The following NCAPG variants were observed in gnomAD, a reference collection of about 807,000 sequenced individuals.
NCAPG encodes the protein condensin complex subunit 3.
Under a neutral mutation model 113.1 loss-of-function variants are expected in NCAPG, and 69 were observed. That is an observed-to-expected ratio of 0.61 (90% CI 0.50 to 0.75). NCAPG has a LOEUF of 0.75. Ranked by LOEUF, NCAPG falls within the 30% of genes least tolerant of loss-of-function variation. NCAPG has a pLI of 0.00. For missense variants in NCAPG, 1,058 were observed against 1,177.0 expected, an observed-to-expected ratio of 0.90 and a Z score of 1.48; for synonymous variants, 370 against 415.8, an observed-to-expected ratio of 0.89 and a Z score of 1.34.
intron 5 of NCAPG, among the ~76,000 whole-genome samples, chr4:17,816,145 C>T (rs1453109211): frequency 1.3e-5 from 2 of 151,864 alleles, no homozygotes; most frequent in Non-Finnish European, 2.9e-5. Context: ...AGTTTTTCCA[C>T]AGAGGGCGGG....
chr4:17,837,876 T>C lies in NCAPG; in HGVS notation c.2466+75T>C. On this transcript the variant is annotated intron_variant, in intron 16 of 20. Transcript: ENST00000251496. The stretch of plus-strand genomic sequence containing the variant: ...CTCTCTCAAAGATCCCTTGAAATAC[T>C]GAGGAACTGCATTTTGGTCTTTAGA... 4 of 1,519,604 alleles carry C rather than the reference T, an allele frequency of 2.6e-6. No individual in the cohort carries two copies. In the Admixed American group the frequency reaches 5.2e-5, roughly 20 times the overall value. The allele number at this position is 1,519,604 out of a possible 1,614,324, so 94.1% of individuals were successfully genotyped here. A position where few individuals can be genotyped will look rare whatever the true frequency, so the allele number is the denominator to read the frequency against.
chr4:17,837,524 T>A, intron 15 of NCAPG, 103 bp from the exon 16 acceptor site: 1 of 1,362,898 alleles, frequency 7.3e-7, no homozygotes, highest in Non-Finnish European at 1.0e-6. Context: ...TAGATGAAAA[T>A]GCACTTAATG....
intron 5 of NCAPG, among the ~76,000 whole-genome samples, chr4:17,816,343 C>G (rs1427979157): frequency 6.6e-6 from 1 of 152,136 alleles, no homozygotes; most frequent in Non-Finnish European, 1.5e-5. Flanking sequence ...CGTTAGACCA[C>G]GGCTTACCTC....
intron 7 of NCAPG, among the ~76,000 whole-genome samples, chr4:17,822,647 G>C (rs1464897146): frequency 1.3e-5 from 2 of 152,174 alleles, no homozygotes; most frequent in Non-Finnish European, 2.9e-5. Flanking sequence ...TGGGCCACCT[G>C]TAATTGGGGA....
chr4:17,812,408 T>C lies in NCAPG; in HGVS notation c.299T>C (p.Phe100Ser). Reference protein sequence around the residue: ...EEDGGLLNYLFTFLLKSHEAN... With the variant: ...EEDGGLLNYLSTFLLKSHEAN... ...GATGGTGGCCTTTTAAATTATTTGTTTACTTTTCTCTTAAAGGTACTATGA... is the reference window on the plus strand; with the variant it reads ...GATGGTGGCCTTTTAAATTATTTGTCTACTTTTCTCTTAAAGGTACTATGA... The change falls in exon 2 of 21, where the codon TTT becomes TCT. Residue 100 changes from phenylalanine to serine, a missense_variant. Coordinates refer to ENST00000251496, the MANE Select transcript of NCAPG (RefSeq NM_022346.5). 6.2e-7 allele frequency: 1 copy of C among 1,613,446 alleles called. No homozygotes were observed. Among genetic ancestry groups the C allele is most frequent in the South Asian group, 1.1e-5 (1 of 91,052 alleles).
intron 17 of NCAPG, 71 bp from the exon 18 acceptor site, chr4:17,840,000 T>A: frequency 1.3e-6 from 2 of 1,514,338 alleles, no homozygotes; most frequent in Non-Finnish European, 1.8e-6. Context: ...CAACTTGATA[T>A]GTATTGGTAC....
At chr4:17,842,758 T>C in intron 20 of NCAPG, 1 of 173,308 alleles carries the variant, frequency 5.8e-6, no homozygotes, top group South Asian at 1.4e-4. Flanking sequence ...TGTGGTAGAG[T>C]GTTTTATTTT....
chr4:17,824,233 A>G (rs1469602215), intron 9 of NCAPG, among the ~76,000 whole-genome samples: 1 of 152,132 alleles, frequency 6.6e-6, no homozygotes, highest in Non-Finnish European at 1.5e-5. Context: ...TCATAAAGGT[A>G]TTGTTCTGTA....
At position 17,840,704 on chromosome 4, in the gene NCAPG, G is replaced by C; in HGVS notation, c.2854+11G>C. On this transcript the variant is annotated intron_variant, in intron 19 of 20. Transcript: ENST00000251496. ...TAAAGACTAACAGAGGTAGTGTGTGGATTGACCATCTTTATGATAAAAGTT... is the reference window on the plus strand; with the variant it reads ...TAAAGACTAACAGAGGTAGTGTGTGCATTGACCATCTTTATGATAAAAGTT... 1 of 1,458,792 alleles carries C rather than the reference G, an allele frequency of 6.9e-7. No individual in the cohort carries two copies. Among genetic ancestry groups the C allele is most frequent in the Non-Finnish European group, 9.1e-7 (1 of 1,102,758 alleles). The allele number at this position is 1,458,792 out of a possible 1,614,324, so 90.4% of individuals were successfully genotyped here.
rs893719959 is a variant in NCAPG, at chr4:17,812,385, T to C, written c.276T>C (p.Asp92=). 1 of 1,613,682 alleles carries C rather than the reference T, an allele frequency of 6.2e-7. No individual in the cohort carries two copies. Among genetic ancestry groups the C allele is most frequent in the South Asian group, 1.1e-5 (1 of 91,084 alleles). ...TGGAAGATGATGAGGAAGAGGAAGA[T>C]GGTGGCCTTTTAAATTATTTGTTTA... The part of the protein sequence containing the change: ...SDMEDDEEEE[D]GGLLNYLFTF... The change falls in exon 2 of 21, where the codon GAT becomes GAC. Residue 92 remains aspartate, a synonymous_variant. Transcript: ENST00000251496.
chr4:17,812,555 C>A, intron 2 of NCAPG, 131 bp downstream of exon 2: 1 of 687,216 alleles, frequency 1.5e-6, no homozygotes, highest in Non-Finnish European at 2.5e-6. Context: ...GTCTACCTTT[C>A]ATAGGAAATA....
intron 11 of NCAPG, 99 bp from the exon 12 acceptor site, chr4:17,828,179 T>A: frequency 1.5e-6 from 1 of 674,072 alleles, no homozygotes; most frequent in South Asian, 2.0e-5. Context: ...AGAGTCTATA[T>A]AGAGTGACAG....
Position 17,825,557 on chromosome 4 carries a change from A to G in NCAPG, c.1649A>G (p.Glu550Gly). 6.3e-7 allele frequency: 1 copy of G among 1,588,086 alleles called. No individual in the cohort carries two copies. The highest frequency in any genetic ancestry group is 1.2e-5 in the South Asian group (1 of 85,696). Reference sequence around the variant, plus strand: ...CTTGAAATTAAAGAAGTCCACATAGAGAAGGTACAGGTAACTTTTTTCATA... The same window carrying G: ...CTTGAAATTAAAGAAGTCCACATAGGGAAGGTACAGGTAACTTTTTTCATA... ...EQLEIKEVHI[E>G]KNDAETLQKC... The change falls in exon 11 of 21, where the codon GAG becomes GGG. Residue 550 changes from glutamate (E) to glycine (G), a missense_variant. Glu to Gly is a moderately conservative substitution (Grantham distance 98). Transcript: ENST00000251496.
intron 20 of NCAPG, 182 bp downstream of exon 20, chr4:17,842,561 C>A: frequency 1.8e-6 from 1 of 548,366 alleles, no homozygotes; most frequent in Non-Finnish European, 3.3e-6. Context: ...CTTCTTACGG[C>A]GTGTTTGCTT....
At position 17,823,654 on chromosome 4, in the gene NCAPG, C is replaced by A; in HGVS notation, c.1267C>A (p.Leu423Met). Residue 423 changes from leucine (L) to methionine (M), a missense_variant, in exon 9 of 21, where the codon CTG (leucine) becomes ATG (methionine). Coordinates refer to ENST00000251496, the MANE Select transcript of NCAPG (RefSeq NM_022346.5). The part of the protein sequence containing the change: ...DTSEEGGRKK[L>M]LAVLQEILIL... ...AGTTCTTTTTGACTGCAGAAAAAAACTGCTGGCTGTTTTACAGGAGATTCT... is the reference window on the plus strand; with the variant it reads ...AGTTCTTTTTGACTGCAGAAAAAAAATGCTGGCTGTTTTACAGGAGATTCT... The A allele has an allele frequency of 6.2e-7, 1 of 1,605,708 alleles. No individual in the cohort carries two copies. Among genetic ancestry groups the A allele is most frequent in the African/African-American group, 1.3e-5 (1 of 74,446 alleles).
chr4:17,814,804 G>C, intron 3 of NCAPG, 49 bp from the exon 4 acceptor site: 1 of 1,552,908 alleles, frequency 6.4e-7, no homozygotes, highest in African/African-American at 1.4e-5. Context: ...TATGACTGTA[G>C]TTAAATAAAT....
At chr4:17,828,092 C>A (rs746615829) in intron 11 of NCAPG, among the ~76,000 whole-genome samples, 186 bp from the exon 12 acceptor site, 1 of 152,080 alleles carries the variant, frequency 6.6e-6, no homozygotes, top group African/African-American at 2.4e-5. Flanking sequence ...TGAGTCGTTG[C>A]GCCTGGCTGA....
Position 17,842,611 on chromosome 4 carries a change from T to A in NCAPG, c.2924+232T>A, listed in dbSNP as rs138865329. 1.8e-3 allele frequency: 748 copies of A among 423,644 alleles called. 2 individuals carry two copies. The highest frequency in any genetic ancestry group is 0.013 in the African/African-American group (639 of 49,256). The allele number at this position is 423,644 out of a possible 1,614,324, so 26.2% of individuals were successfully genotyped here. A position where few individuals can be genotyped will look rare whatever the true frequency, so the allele number is the denominator to read the frequency against. On this transcript the variant is annotated intron_variant, in intron 20 of 20. Coordinates refer to ENST00000251496, the MANE Select transcript of NCAPG (RefSeq NM_022346.5). ...GCATGGTCTTTAGTACTATCTTTAA[T>A]ATGTTGTTTCAATTTTTAATTACAT...
chr4:17,831,122 A>G lies in NCAPG; in HGVS notation c.1884+6A>G. The G allele has an allele frequency of 6.2e-7, 1 of 1,611,130 alleles. No homozygotes were observed. The highest frequency in any genetic ancestry group is 8.5e-7 in the Non-Finnish European group (1 of 1,179,056). ...ACTTCGTATTACTATTGCAGGTAGGATTTATCTTGTGATAAATCTCAACTG... is the reference window on the plus strand; with the variant it reads ...ACTTCGTATTACTATTGCAGGTAGGGTTTATCTTGTGATAAATCTCAACTG... On this transcript the variant is annotated splice_donor_region_variant and intron_variant, in intron 13 of 20. Transcript: ENST00000251496.
Sources: allele counts gnomAD v4.1 joint callset (sites outside exome capture counted in the v4.1 genomes callset), GRCh38; gene constraint gnomAD v4.1.1; transcripts MANE v1.5; gene names NCBI Gene and HGNC (gene_info 2026-07-23, HGNC 2026-07-21).